The following GRIK4 variants were observed in gnomAD, a reference collection of about 807,000 sequenced individuals.
GRIK4 encodes glutamate receptor ionotropic, kainate 4.
In GRIK4, 40 loss-of-function variants were observed where a neutral mutation model predicts 104.9. The observed-to-expected ratio is 0.38, with a 90% CI of 0.30 to 0.50. The LOEUF (loss-of-function observed/expected upper bound fraction) is 0.50. GRIK4 is among the 20% of genes least tolerant of loss of function. The probability of loss-of-function intolerance (pLI) is 0.93; values close to 1 mark genes in which losing one functional copy is unlikely to be tolerated. For missense variants in GRIK4, 1,047 were observed against 1,308.1 expected, an observed-to-expected ratio of 0.80 and a Z score of 3.08; for synonymous variants, 485 against 524.9, an observed-to-expected ratio of 0.92 and a Z score of 1.04.
At chr11:120,896,686 C>G (rs1171737122) in intron 11 of GRIK4, among the ~76,000 whole-genome samples, 1 of 152,244 alleles carries the variant, frequency 6.6e-6, no homozygotes, top group Non-Finnish European at 1.5e-5. Flanking sequence ...TCTCAGTCCT[C>G]TGGCCCCATA....
At chr11:120,900,801 C>T (rs897600013) in intron 12 of GRIK4, among the ~76,000 whole-genome samples, 1 of 152,188 alleles carries the variant, frequency 6.6e-6, no homozygotes, top group Non-Finnish European at 1.5e-5. Flanking sequence ...GTTTCACCCA[C>T]GCCCATCTCT....
intron 3 of GRIK4, among the ~76,000 whole-genome samples, chr11:120,663,637 C>A (rs1480139302): frequency 1.3e-5 from 2 of 152,196 alleles, no homozygotes; most frequent in Non-Finnish European, 2.9e-5. Context: ...TCTTGTTACT[C>A]CTTCCTTGGC....
At chr11:120,970,313 C>T (rs113341127) in intron 19 of GRIK4, among the ~76,000 whole-genome samples, 78 of 152,278 alleles carry the variant, frequency 5.1e-4, no homozygotes, top group African/African-American at 1.8e-3. Context: ...AGGGGCAGTG[C>T]AGGGACCCTC....
chr11:120,775,157 C>T (rs564112856), intron 3 of GRIK4, among the ~76,000 whole-genome samples: 1 of 152,286 alleles, frequency 6.6e-6, no homozygotes, highest in East Asian at 1.9e-4. Flanking sequence ...GTCCACTGTC[C>T]TGGAAAACAC....
intron 1 of GRIK4, among the ~76,000 whole-genome samples, chr11:120,556,309 A>G (rs1948185358): frequency 6.6e-6 from 1 of 152,042 alleles, no homozygotes; most frequent in Non-Finnish European, 1.5e-5. Context: ...AAAATACCCC[A>G]AATCTAACCA....
chr11:120,538,200 G>C (rs2136085904), intron 1 of GRIK4, among the ~76,000 whole-genome samples: 1 of 152,340 alleles, frequency 6.6e-6, no homozygotes, highest in South Asian at 2.1e-4. Context: ...TTGTCCCCAG[G>C]ACGAGGCTGC....
At chr11:120,685,149 G>A (rs919234886) in intron 3 of GRIK4, among the ~76,000 whole-genome samples, 3 of 152,198 alleles carry the variant, frequency 2.0e-5, no homozygotes, top group Non-Finnish European at 2.9e-5. Context: ...TACTGGAAAG[G>A]AAAGGTGCCA....
intron 8 of GRIK4, among the ~76,000 whole-genome samples, chr11:120,851,700 C>T (rs2135600093): frequency 6.6e-6 from 1 of 152,008 alleles, no homozygotes; most frequent in Non-Finnish European, 1.5e-5. Context: ...ATATCCCTGC[C>T]CCTCCCCCGC....
intron 4 of GRIK4, among the ~76,000 whole-genome samples, chr11:120,804,928 T>C (rs1952685102): frequency 6.6e-6 from 1 of 152,172 alleles, no homozygotes; most frequent in Non-Finnish European, 1.5e-5. Flanking sequence ...AACAGGGCCA[T>C]TGAGGCCAAC....
At chr11:120,896,477 T>A (rs1942585046) in intron 11 of GRIK4, among the ~76,000 whole-genome samples, 1 of 152,232 alleles carries the variant, frequency 6.6e-6, no homozygotes, top group Non-Finnish European at 1.5e-5. Flanking sequence ...GTGGCATTCT[T>A]GCAGGGCGTG....
At chr11:120,613,279 C>G (rs1470602973) in intron 1 of GRIK4, among the ~76,000 whole-genome samples, 3 of 152,164 alleles carry the variant, frequency 2.0e-5, no homozygotes, top group African/African-American at 7.2e-5. Flanking sequence ...CTTCCTGTTT[C>G]TCTGTGTCTT....
At chr11:120,671,811 T>G (rs913003710) in intron 3 of GRIK4, among the ~76,000 whole-genome samples, 8 of 152,222 alleles carry the variant, frequency 5.3e-5, no homozygotes, top group Non-Finnish European at 1.0e-4. Context: ...CATGCCTATG[T>G]CCTGAATGGT....
At chr11:120,966,894 G>A (rs899666643) in intron 18 of GRIK4, among the ~76,000 whole-genome samples, 31 of 152,286 alleles carry the variant, frequency 2.0e-4, no homozygotes, top group African/African-American at 6.7e-4. Flanking sequence ...CTGGAAAGCC[G>A]TTTCTTGACC....
chr11:120,768,866 A>G (rs1951889427), intron 3 of GRIK4, among the ~76,000 whole-genome samples: 1 of 152,232 alleles, frequency 6.6e-6, no homozygotes, highest in South Asian at 2.1e-4. Context: ...ATGTTAAACC[A>G]GCCTTGCATG....
chr11:120,963,519 C>T (rs557256509), intron 18 of GRIK4, among the ~76,000 whole-genome samples: 8 of 152,264 alleles, frequency 5.3e-5, no homozygotes, highest in East Asian at 1.9e-4. Context: ...ATAGAGAGCC[C>T]GTGCTGTAGA....
At chr11:120,630,166 C>T (rs1344280217) in intron 1 of GRIK4, among the ~76,000 whole-genome samples, 1 of 152,216 alleles carries the variant, frequency 6.6e-6, no homozygotes, top group African/African-American at 2.4e-5. Flanking sequence ...ACAGAGTCAT[C>T]CTCTGCCTTG....
intron 1 of GRIK4, among the ~76,000 whole-genome samples, chr11:120,581,900 G>A (rs918567976): frequency 6.6e-5 from 10 of 151,612 alleles, no homozygotes; most frequent in African/African-American, 1.9e-4. Context: ...TCCACCTCCC[G>A]GGTTCACGCC....
At chr11:120,620,071 G>GGTACC in intron 1 of GRIK4, 1 of 679,058 alleles carries the variant, frequency 1.5e-6, no homozygotes, top group Non-Finnish European at 2.8e-6. Context: ...CACATGTGAA[G>GGTACC]GTACCTCTCT....
intron 13 of GRIK4, among the ~76,000 whole-genome samples, chr11:120,906,377 C>G (rs967830783): frequency 6.6e-6 from 1 of 152,222 alleles, no homozygotes; most frequent in African/African-American, 2.4e-5. Context: ...CTCCTGCAGC[C>G]TCCCAGCATG....
Sources: gnomAD v4.1 joint callset for allele counts (sites outside exome capture counted in the v4.1 genomes callset) on GRCh38, gnomAD v4.1.1 for gene constraint, MANE v1.5 for transcripts, NCBI Gene and HGNC (gene_info 2026-07-23, HGNC 2026-07-21) for gene names.